ARHGEF3: variants seen among roughly 807,000 people sequenced by gnomAD.
The protein encoded by ARHGEF3 is Rho guanine nucleotide exchange factor 3.
Under a neutral mutation model 63.2 loss-of-function variants are expected in ARHGEF3, and 28 were observed. The observed-to-expected ratio is 0.44, with a 90% CI of 0.33 to 0.61. ARHGEF3 has a LOEUF of 0.61. Ranked by LOEUF, ARHGEF3 falls within the 20% of genes least tolerant of loss-of-function variation. ARHGEF3 has a pLI of 0.03. For missense variants in ARHGEF3, 533 were observed against 659.3 expected, an observed-to-expected ratio of 0.81 and a Z score of 2.10; for synonymous variants, 266 against 254.2, an observed-to-expected ratio of 1.05 and a Z score of -0.44.
At chr3:56,823,179 T>C (rs980491904) in intron 4 of ARHGEF3, among the ~76,000 whole-genome samples, 9 of 152,200 alleles carry the variant, frequency 5.9e-5, no homozygotes, top group African/African-American at 2.2e-4. Flanking sequence ...TAGTTTCCTC[T>C]TGCAGCAGAT....
chr3:56,807,475 C>T (rs1290912386), intron 4 of ARHGEF3, among the ~76,000 whole-genome samples: 1 of 152,184 alleles, frequency 6.6e-6, no homozygotes, highest in Non-Finnish European at 1.5e-5. Context: ...ATATGTGTAC[C>T]TCTGTTTGCT....
intron 4 of ARHGEF3, among the ~76,000 whole-genome samples, chr3:56,846,067 T>A (rs11716680): frequency 0.085 from 12,944 of 152,232 alleles, 809 homozygotes; most frequent in Admixed American, 0.21. Flanking sequence ...TGGTAACCCA[T>A]GCTATTGAAA....
intron 2 of ARHGEF3, among the ~76,000 whole-genome samples, chr3:57,006,850 T>C (rs1452377939): frequency 6.6e-6 from 1 of 152,136 alleles, no homozygotes; most frequent in East Asian, 1.9e-4. Context: ...GGAGTCTCCC[T>C]CCTGACATTC....
At chr3:56,805,009 T>C (rs1057261309), upstream of ARHGEF3, among the ~76,000 whole-genome samples, 1 of 152,126 alleles carries the variant, frequency 6.6e-6, no homozygotes, top group Non-Finnish European at 1.5e-5. Context: ...CTATCTCAAC[T>C]AGAACACATT....
At chr3:56,856,833 C>T (rs1294787728) in intron 4 of ARHGEF3, among the ~76,000 whole-genome samples, 2 of 151,310 alleles carry the variant, frequency 1.3e-5, no homozygotes, top group Non-Finnish European at 2.9e-5. Flanking sequence ...CTTTGCTCTG[C>T]CTCCCAAGAT....
chr3:56,878,838 G>A (rs114362639), intron 4 of ARHGEF3, among the ~76,000 whole-genome samples: 2,831 of 152,306 alleles, frequency 0.019, 85 homozygotes, highest in African/African-American at 0.064. Context: ...ACAGTAACAG[G>A]TGAGTGGCCG....
chr3:57,062,711 C>T (rs1353757698), intron 1 of ARHGEF3, among the ~76,000 whole-genome samples: 2 of 152,128 alleles, frequency 1.3e-5, no homozygotes, highest in East Asian at 3.8e-4. Flanking sequence ...TGCACACACA[C>T]ACACACACAA....
In ARHGEF3 at chr3:56,922,923, C is replaced by T. The variant is rs116286085; in HGVS notation, c.129+35900G>A. On this transcript the variant is annotated intron_variant, in intron 3 of 12. Transcript: ENST00000338458. ...AGAACAGCCTGGGTGCAGTGGCTCACGCCTGTAATCCCAACACTTTGGGAA... is the reference window on the plus strand; with the variant it reads ...AGAACAGCCTGGGTGCAGTGGCTCATGCCTGTAATCCCAACACTTTGGGAA... Among the ~76,000 whole-genome samples the T allele has an allele frequency of 2.1e-3, 325 of 151,642 alleles. 4 individuals carry two copies. Among genetic ancestry groups the T allele is most frequent in the African/African-American group, 7.4e-3 (306 of 41,240 alleles).
chr3:56,857,856 T>G (rs2039938604), intron 4 of ARHGEF3, among the ~76,000 whole-genome samples: 1 of 152,212 alleles, frequency 6.6e-6, no homozygotes, highest in South Asian at 2.1e-4. Flanking sequence ...GGGTTCAAGC[T>G]ATGCCCAGTT....
intron 3 of ARHGEF3, among the ~76,000 whole-genome samples, chr3:56,936,629 CA>C (rs1243805751): frequency 6.6e-6 from 1 of 152,184 alleles, no homozygotes; most frequent in Non-Finnish European, 1.5e-5. Context: ...TCCAAATTAC[CA>C]GATTACAAGA....
intron 1 of ARHGEF3, among the ~76,000 whole-genome samples, chr3:57,071,486 C>A (rs147972272): frequency 4.7e-4 from 71 of 151,978 alleles, no homozygotes; most frequent in African/African-American, 1.7e-3. Flanking sequence ...ATGGTGAAAC[C>A]CCGTCTCTAC....
chr3:56,803,853 G>C (rs922165652), upstream of ARHGEF3, among the ~76,000 whole-genome samples: 6 of 150,682 alleles, frequency 4.0e-5, no homozygotes, highest in African/African-American at 1.5e-4. Context: ...GGAAATTATA[G>C]TTTTTTAAAA....
At chr3:57,059,867 A>G (rs1365207405) in intron 1 of ARHGEF3, among the ~76,000 whole-genome samples, 2 of 152,068 alleles carry the variant, frequency 1.3e-5, no homozygotes, top group African/African-American at 4.8e-5. Context: ...ATGGTGGCAC[A>G]TGCCTGTAAT....
At chr3:56,747,702 T>TA (rs935584594) in intron 6 of ARHGEF3, among the ~76,000 whole-genome samples, 30 of 152,190 alleles carry the variant, frequency 2.0e-4, no homozygotes, top group African/African-American at 7.0e-4. Flanking sequence ...TGCATGCCTG[T>TA]AATCCCAGCT....
intron 1 of ARHGEF3, among the ~76,000 whole-genome samples, chr3:57,041,737 A>T (rs1213168524): frequency 6.6e-6 from 1 of 152,180 alleles, no homozygotes; most frequent in Non-Finnish European, 1.5e-5. Flanking sequence ...CAACAGTCAG[A>T]GTTGTCCTCC....
At chr3:56,785,896 T>A (rs2036780167) in intron 1 of ARHGEF3, among the ~76,000 whole-genome samples, 1 of 152,154 alleles carries the variant, frequency 6.6e-6, no homozygotes, top group South Asian at 2.1e-4. Context: ...AGAAAATGGA[T>A]CCCCTTCTCT....
intron 3 of ARHGEF3, among the ~76,000 whole-genome samples, chr3:56,946,141 C>G (rs1338374580): frequency 6.6e-6 from 1 of 152,156 alleles, no homozygotes; most frequent in East Asian, 1.9e-4. Flanking sequence ...TCACCATCAT[C>G]AAAGACCAAA....
chr3:56,918,989 G>C (rs2042056843), intron 3 of ARHGEF3, among the ~76,000 whole-genome samples: 1 of 152,186 alleles, frequency 6.6e-6, no homozygotes, highest in African/African-American at 2.4e-5. Context: ...ATGCACTGGT[G>C]TTAAAAAGCC....
At chr3:56,878,526 G>A (rs1306408560) in intron 4 of ARHGEF3, among the ~76,000 whole-genome samples, 1 of 152,192 alleles carries the variant, frequency 6.6e-6, no homozygotes, top group Non-Finnish European at 1.5e-5. Flanking sequence ...GCTGGGAGTT[G>A]AGGGTCAGAA....
Sources: allele counts gnomAD v4.1 joint callset (sites outside exome capture counted in the v4.1 genomes callset), GRCh38; gene constraint gnomAD v4.1.1; transcripts MANE v1.5; gene names NCBI Gene and HGNC (gene_info 2026-07-23, HGNC 2026-07-21).